R3HDM1: variants seen among roughly 807,000 people sequenced by gnomAD.
R3HDM1 encodes the protein R3H domain containing 1, also known as R3H domain-containing protein 1.
A neutral mutation model predicts 141.1 loss-of-function variants in R3HDM1; 46 were observed. The ratio of observed to expected loss-of-function variants is 0.33; its 90% CI spans 0.26 to 0.42. The LOEUF (loss-of-function observed/expected upper bound fraction) is 0.42, where lower values mean the gene tolerates loss of function less well. Ranked by LOEUF, R3HDM1 falls within the 10% of genes least tolerant of loss-of-function variation. R3HDM1 has a pLI of 1.00. For missense variants in R3HDM1, 1,184 were observed against 1,368.3 expected (o/e 0.87, Z 2.12); for synonymous variants, 435 against 472.9 (o/e 0.92, Z 1.04).
At chr2:135,638,581 C>G (rs374434448) in intron 11 of R3HDM1, 37 bp from the exon 12 acceptor site, 73 of 1,570,170 alleles carry the variant, frequency 4.6e-5, no homozygotes, top group Non-Finnish European at 6.1e-5. Flanking sequence ...TTATATTTGA[C>G]AAAAGCTCAA....
At chr2:135,575,449 A>G (rs1003907193) in intron 1 of R3HDM1, among the ~76,000 whole-genome samples, 28 of 152,264 alleles carry the variant, frequency 1.8e-4, no homozygotes, top group African/African-American at 6.7e-4. Flanking sequence ...CCAAAGTGCT[A>G]GGATTTACAG....
At chr2:135,687,010 C>T (rs949606793) in intron 21 of R3HDM1, among the ~76,000 whole-genome samples, 24 of 152,056 alleles carry the variant, frequency 1.6e-4, no homozygotes, top group Non-Finnish European at 5.9e-5. Context: ...CCAGCCTGGC[C>T]AACATGGTGA....
chr2:135,651,555 AAT>A (rs1258261566), intron 17 of R3HDM1, 173 bp from the exon 18 acceptor site: 12 of 936,408 alleles, frequency 1.3e-5, no homozygotes, highest in Middle Eastern at 5.5e-4. Context: ...AATATTCAAC[AAT>A]AGAGTTGTCA....
At chr2:135,576,982 A>G (rs149422666) in intron 1 of R3HDM1, 4 of 533,176 alleles carry the variant, frequency 7.5e-6, no homozygotes, top group Non-Finnish European at 9.6e-6. Flanking sequence ...AAGACACTGA[A>G]TGAATTTAAA....
Position 135,719,210 on chromosome 2 carries a change from T to C in R3HDM1, c.2882-2714T>C, listed in dbSNP as rs150974797. Among the ~76,000 whole-genome samples, 133 of 151,918 alleles carry C rather than the reference T, an allele frequency of 8.8e-4. 5 individuals carry two copies. The East Asian group carries it at 0.021, about 24-fold the overall frequency. ...AAATTGCATATTTTAAAAAAATAAA[T>C]TGAAACAGTATGCGTCATACAGTCT... On this transcript the variant is annotated intron_variant, in intron 24 of 26. Transcript: ENST00000683871.
At chr2:135,605,079 T>C in intron 3 of R3HDM1, 63 bp downstream of exon 3, 13 of 1,341,908 alleles carry the variant, frequency 9.7e-6, no homozygotes, top group Non-Finnish European at 1.3e-5. Flanking sequence ...ATGTTTATTT[T>C]CATACAAAAC....
chr2:135,603,374 C>G (rs536885502), intron 2 of R3HDM1, among the ~76,000 whole-genome samples: 1 of 152,110 alleles, frequency 6.6e-6, no homozygotes, highest in South Asian at 2.1e-4. Flanking sequence ...ATAAGTTTCA[C>G]TGGTTTCCCC....
intron 1 of R3HDM1, among the ~76,000 whole-genome samples, chr2:135,594,984 C>CA (rs1280028724): frequency 6.6e-6 from 1 of 151,706 alleles, no homozygotes; most frequent in African/African-American, 2.4e-5. Context: ...TACACCCCCC[C>CA]CCCTTTTCAA....
At chr2:135,572,187 A>T (rs957352326) in intron 1 of R3HDM1, among the ~76,000 whole-genome samples, 3 of 152,004 alleles carry the variant, frequency 2.0e-5, no homozygotes, top group African/African-American at 4.8e-5. Flanking sequence ...TAAACTCCTG[A>T]CCTCAAGTGA....
rs2305165 is a variant in R3HDM1, at chr2:135,652,004, A to G, written c.2000A>G (p.Gln667Arg). 1 of 1,604,566 alleles carries G rather than the reference A, an allele frequency of 6.2e-7. No individual in the cohort carries two copies. The highest frequency in any genetic ancestry group is 1.3e-5 in the African/African-American group (1 of 74,814). The change falls in exon 18 of 27, where the codon CAG (glutamine) becomes CGG (arginine). Residue 667 changes from glutamine to arginine, a missense_variant. Physicochemically the swap from Gln to Arg is conservative, Grantham distance 43. Transcript: ENST00000683871. Reference sequence around the variant, plus strand: ...GTCAGCCAGCCTGTGCTCCAGCAGCAGGGATATATTCAGCAGCCATCACCA... The same window carrying G: ...GTCAGCCAGCCTGTGCTCCAGCAGCGGGGATATATTCAGCAGCCATCACCA... ...HPVSQPVLQQ[Q>R]GYIQQPSPQM...
intron 1 of R3HDM1, chr2:135,597,124 C>T (rs2059257987): frequency 2.0e-6 from 2 of 978,400 alleles, no homozygotes; most frequent in Non-Finnish European, 2.4e-6. Context: ...CAAGACTCCA[C>T]TAATTATTCT....
At chr2:135,605,093 C>A in intron 3 of R3HDM1, 77 bp downstream of exon 3, 2 of 1,275,338 alleles carry the variant, frequency 1.6e-6, no homozygotes, top group Non-Finnish European at 2.1e-6. Flanking sequence ...ACAAAACTCA[C>A]TTCTCAAAAT....
At chr2:135,538,351 T>C (rs139391465) in intron 1 of R3HDM1, among the ~76,000 whole-genome samples, 1 of 152,352 alleles carries the variant, frequency 6.6e-6, no homozygotes, top group East Asian at 1.9e-4. Context: ...AGTGAGTGAA[T>C]GCAAAGGCCT....
intron 1 of R3HDM1, chr2:135,581,306 C>T: frequency 1.0e-6 from 1 of 985,364 alleles, no homozygotes; most frequent in Non-Finnish European, 1.2e-6. Context: ...GGGGAACTCT[C>T]ATGCGTCCTT....
intron 1 of R3HDM1, among the ~76,000 whole-genome samples, chr2:135,587,559 A>G (rs1708220314): frequency 1.3e-5 from 2 of 152,192 alleles, no homozygotes; most frequent in African/African-American, 4.8e-5. Context: ...TATTATTAAA[A>G]TTAGGGTCTT....
intron 19 of R3HDM1, 118 bp downstream of exon 19, chr2:135,661,511 A>G (rs1428256284): frequency 1.5e-6 from 2 of 1,305,126 alleles, no homozygotes; most frequent in Admixed American, 2.2e-5. Flanking sequence ...ATGTTCATAC[A>G]TATGAGTTTG....
chr2:135,542,035 A>G (rs1190597646), intron 1 of R3HDM1, among the ~76,000 whole-genome samples: 1 of 152,152 alleles, frequency 6.6e-6, no homozygotes, highest in Non-Finnish European at 1.5e-5. Context: ...TATTTGTTTC[A>G]TGTGTACCTT....
At chr2:135,709,717 A>G (rs1264525209) in intron 22 of R3HDM1, among the ~76,000 whole-genome samples, 181 bp downstream of exon 22, 1 of 152,100 alleles carries the variant, frequency 6.6e-6, no homozygotes, top group Non-Finnish European at 1.5e-5. Context: ...CTTTCCTTCT[A>G]CTGCTGCTAT....
chr2:135,705,049 T>A (rs2074729138), intron 21 of R3HDM1, among the ~76,000 whole-genome samples: 1 of 152,236 alleles, frequency 6.6e-6, no homozygotes, highest in African/African-American at 2.4e-5. Flanking sequence ...ATGGTACATT[T>A]TGCCAAAATC....
Sources: allele counts gnomAD v4.1 joint callset (sites outside exome capture counted in the v4.1 genomes callset), GRCh38; gene constraint gnomAD v4.1.1; transcripts MANE v1.5; gene names NCBI Gene and HGNC (gene_info 2026-07-23, HGNC 2026-07-21).